Variants in NAA16 observed in about 807,000 individuals in gnomAD.
NAA16 encodes N-alpha-acetyltransferase 16, NatA auxiliary subunit, also known as NARG1-like protein.
Under a neutral mutation model 110.3 loss-of-function variants are expected in NAA16, and 97 were observed. The observed-to-expected ratio is 0.88, with a 90% CI of 0.75 to 1.04. The LOEUF is 1.04. NAA16 is among the 50% of genes least tolerant of loss of function. The pLI is 0.00. For synonymous variants in NAA16, 372 were observed against 330.6 expected (o/e 1.13, Z -1.36); for missense variants, 1,017 against 1,005.1 (o/e 1.01, Z -0.16).
chr13:41,344,033 G>C (rs995622255), intron 9 of NAA16, among the ~76,000 whole-genome samples: 4 of 152,114 alleles, frequency 2.6e-5, no homozygotes, highest in Non-Finnish European at 5.9e-5. Context: ...ATCCTTTTTA[G>C]TTATTACATA....
chr13:41,372,805 A>G lies in NAA16; in HGVS notation c.2130A>G (p.Glu710=). Residue 710 remains glutamate (E), a synonymous_variant, in exon 17 of 20, where the codon GAA becomes GAG. Coordinates refer to ENST00000379406, the MANE Select transcript of NAA16 (RefSeq NM_024561.5). ...ACAGTAATAACCCATGGTTACATGA[A>G]TGTTTAATTAGATTTTCTAAATCTG... is the stretch of plus-strand genomic sequence containing the variant. ...AINSNNPWLH[E]CLIRFSKSVS... is the part of the protein sequence containing the mutation. 1 of 1,586,124 alleles carries G rather than the reference A, an allele frequency of 6.3e-7. No homozygotes were observed.
At chr13:41,374,141 C>CTT (rs200465136) in intron 18 of NAA16, among the ~76,000 whole-genome samples, 1 of 140,920 alleles carries the variant, frequency 7.1e-6, no homozygotes, top group Admixed American at 7.1e-5. Flanking sequence ...AATTATTTTT[C>CTT]TTTTTTTTTT....
At chr13:41,359,902 C>T (rs1295016204) in intron 12 of NAA16, among the ~76,000 whole-genome samples, 1 of 152,038 alleles carries the variant, frequency 6.6e-6, no homozygotes, top group Non-Finnish European at 1.5e-5. Context: ...GATAAAGAAG[C>T]ATTCTTTATG....
At chr13:41,372,177 T>C (rs749357206) in intron 15 of NAA16, 26 bp from the exon 16 acceptor site, 1 of 1,482,364 alleles carries the variant, frequency 6.7e-7, no homozygotes, top group Non-Finnish European at 9.1e-7. Flanking sequence ...GTTTTTTAAA[T>C]AATTTTCCTT....
intron 8 of NAA16, among the ~76,000 whole-genome samples, chr13:41,332,318 T>C (rs1281127828): frequency 1.3e-5 from 2 of 152,220 alleles, no homozygotes; most frequent in Admixed American, 1.3e-4. Flanking sequence ...CCATTACTTT[T>C]ATTTTTAGAG....
At chr13:41,363,359 C>G (rs185230168) in intron 13 of NAA16, among the ~76,000 whole-genome samples, 1 of 152,204 alleles carries the variant, frequency 6.6e-6, no homozygotes, top group Admixed American at 6.5e-5. Flanking sequence ...TAGGCACTTA[C>G]GAATTAGTAA....
At position 41,362,073 on chromosome 13, in the gene NAA16, A is replaced by T. The variant is rs2043122831; in HGVS notation, c.1453A>T (p.Met485Leu). Reference sequence around the variant, plus strand: ...GGAAAATCTAAATGAAATGCAGTGTATGTGGTTTCAGACAGAATGCATTTC... The same window carrying T: ...GGAAAATCTAAATGAAATGCAGTGTTTGTGGTTTCAGACAGAATGCATTTC... ...AMENLNEMQC[M>L]WFQTECISAY... The change falls in exon 13 of 20, where the codon ATG becomes TTG. Residue 485 changes from methionine (M) to leucine (L), a missense_variant. Coordinates refer to ENST00000379406, the MANE Select transcript of NAA16 (RefSeq NM_024561.5). The T allele has an allele frequency of 6.2e-7, 1 of 1,611,692 alleles. No individual in the cohort carries two copies. The highest frequency in any genetic ancestry group is 8.5e-7 in the Non-Finnish European group (1 of 1,179,120).
chr13:41,367,571 G>T lies in NAA16; in HGVS notation c.1672G>T (p.Ala558Ser). The change falls in exon 14 of 20, where the codon GCT becomes TCT. Residue 558 changes from alanine (A) to serine (S), a missense_variant. By Grantham distance (99) the Ala-to-Ser change is moderately conservative. Coordinates refer to ENST00000379406, the MANE Select transcript of NAA16 (RefSeq NM_024561.5). ...AAGACATGCCTTTTATTTCAAGGCT[G>T]CTAGATCAGCGATTGAAATATACTT... ...LRRHAFYFKA[A>S]RSAIEIYLKL... is the part of the protein sequence containing the mutation. 6.2e-7 allele frequency: 1 copy of T among 1,613,100 alleles called. No homozygotes were observed. The highest frequency in any genetic ancestry group is 8.5e-7 in the Non-Finnish European group (1 of 1,179,522).
intron 12 of NAA16, among the ~76,000 whole-genome samples, chr13:41,361,800 CTTTAATATCTTTAG>C (rs1395418647): frequency 2.0e-5 from 3 of 152,174 alleles, no homozygotes; most frequent in Non-Finnish European, 4.4e-5. Context: ...GCAATTTTCC[CTTTAATATCTTTAG>C]ACCATGGTCG....
At position 41,361,158 on chromosome 13, in the gene NAA16, C is replaced by T. The variant is rs183563457; in HGVS notation, c.1411-873C>T. Among the ~76,000 whole-genome samples, 38 of 152,234 alleles carry T rather than the reference C, an allele frequency of 2.5e-4. No homozygotes were observed. In the East Asian group the frequency reaches 4.4e-3, roughly 18 times the overall value. On this transcript the variant is annotated intron_variant, in intron 12 of 19. Coordinates refer to ENST00000379406, the MANE Select transcript of NAA16 (RefSeq NM_024561.5). ...CTTGAGTATCCTTGCACTTAAAATTCGTTAATTTATGTCTCACACTCCCCT... is the reference window on the plus strand; with the variant it reads ...CTTGAGTATCCTTGCACTTAAAATTTGTTAATTTATGTCTCACACTCCCCT...
In NAA16 at chr13:41,367,459, T is replaced by C. The variant is rs1398870019; in HGVS notation, c.1560T>C (p.Asp520=). 1.9e-6 allele frequency: 3 copies of C among 1,601,810 alleles called. No individual in the cohort carries two copies. Among genetic ancestry groups the C allele is most frequent in the Non-Finnish European group, 2.6e-6 (3 of 1,172,710 alleles). ...EVERHFFEIT[D]DQFDFHTYCM... is the part of the protein sequence containing the mutation. ...TTAAGCATTTTTTTGAGATAACTGA[T>C]GACCAATTCGACTTCCATACATACT... is the stretch of plus-strand genomic sequence containing the variant. The change falls in exon 14 of 20, where the codon GAT becomes GAC. Residue 520 remains aspartate (D), a synonymous_variant. Coordinates refer to ENST00000379406, the MANE Select transcript of NAA16 (RefSeq NM_024561.5).
Position 41,331,270 on chromosome 13 carries a change from A to C in NAA16, c.812-4A>C, listed in dbSNP as rs368055937. ...TGAATCTCACCCATATTTACTGATA[A>C]TAGGCACTTTAGAAGAGAGGCTTCA... On this transcript the variant is annotated splice_region_variant and splice_polypyrimidine_tract_variant and intron_variant, in intron 7 of 19. Transcript: ENST00000379406. 4.4e-6 allele frequency: 7 copies of C among 1,590,824 alleles called. No homozygotes were observed. In the African/African-American group the frequency reaches 9.4e-5, roughly 21 times the overall value.
chr13:41,339,579 A>G (rs1275163714), intron 9 of NAA16, among the ~76,000 whole-genome samples: 1 of 151,744 alleles, frequency 6.6e-6, no homozygotes, highest in African/African-American at 2.4e-5. Flanking sequence ...TTTTTTTGAG[A>G]TGGAGTCCCA....
intron 13 of NAA16, chr13:41,362,737 C>G: frequency 1.6e-6 from 2 of 1,289,758 alleles, no homozygotes; most frequent in Non-Finnish European, 2.0e-6. Context: ...GAAGCACTCT[C>G]CTTCCACATG....
Position 41,375,570 on chromosome 13 carries a change from G to A in NAA16, c.2563G>A (p.Ala855Thr), listed in dbSNP as rs1305663992. 6.2e-7 allele frequency: 1 copy of A among 1,613,494 alleles called. No individual in the cohort carries two copies. The highest frequency in any genetic ancestry group is 1.7e-5 in the Admixed American group (1 of 59,986). Reference protein sequence around the residue: ...DNPNVALNHTANYDVLANEI With the variant: ...DNPNVALNHTTNYDVLANEI ...TCCTAATGTGGCACTGAACCATACA[G>A]CTAATTATGATGTCTTGGCAAATGA... The change falls in exon 20 of 20, where the codon GCT becomes ACT. Residue 855 changes from alanine (A) to threonine (T), a missense_variant. Physicochemically the swap from Ala to Thr is moderately conservative, Grantham distance 58 (BLOSUM62 0). Transcript: ENST00000379406.
chr13:41,336,948 A>C (rs1248150993), intron 9 of NAA16, among the ~76,000 whole-genome samples, 192 bp downstream of exon 9: 1 of 152,232 alleles, frequency 6.6e-6, no homozygotes, highest in East Asian at 1.9e-4. Flanking sequence ...TGAAAGCACT[A>C]AGATTATAAA....
intron 9 of NAA16, among the ~76,000 whole-genome samples, chr13:41,348,447 G>C (rs1040758160): frequency 3.3e-5 from 5 of 152,174 alleles, no homozygotes; most frequent in African/African-American, 1.2e-4. Flanking sequence ...ACAGGTGTGA[G>C]CCACCACTCC....
chr13:41,358,719 TTTC>T (rs1359276516), intron 11 of NAA16, 88 bp from the exon 12 acceptor site: 1 of 1,479,110 alleles, frequency 6.8e-7, no homozygotes, highest in Non-Finnish European at 9.0e-7. Flanking sequence ...TGGTGACAGA[TTTC>T]TTTTTTGTCT....
At chr13:41,363,065 A>G (rs1479486684) in intron 13 of NAA16, among the ~76,000 whole-genome samples, 2 of 152,120 alleles carry the variant, frequency 1.3e-5, no homozygotes, top group African/African-American at 4.8e-5. Flanking sequence ...TTTGTTTTTC[A>G]TGCCCTTTTA....
Sources: allele counts gnomAD v4.1 joint callset (sites outside exome capture counted in the v4.1 genomes callset), GRCh38; gene constraint gnomAD v4.1.1; transcripts MANE v1.5; gene names NCBI Gene and HGNC (gene_info 2026-07-23, HGNC 2026-07-21).